ZEB2: variants seen among roughly 807,000 people sequenced by gnomAD.
ZEB2 encodes zinc finger E-box-binding homeobox 2.
Under a neutral mutation model 99.9 loss-of-function variants are expected in ZEB2, and 6 were observed. That is an observed-to-expected ratio of 0.06 (90% CI 0.03 to 0.12). ZEB2 has a LOEUF of 0.12. Ranked by LOEUF, ZEB2 falls within the 10% of genes least tolerant of loss-of-function variation. ZEB2 has a pLI of 1.00. For synonymous variants in ZEB2, 517 were observed against 542.5 expected, an observed-to-expected ratio of 0.95 and a Z score of 0.65; for missense variants, 969 against 1,502.8, an observed-to-expected ratio of 0.64 and a Z score of 5.87.
At chr2:144,487,507 G>C (rs973907515) in intron 2 of ZEB2, among the ~76,000 whole-genome samples, 1 of 152,204 alleles carries the variant, frequency 6.6e-6, no homozygotes, top group Admixed American at 6.5e-5. Context: ...GAAAGGTAAA[G>C]AAATTGATTT....
Position 144,387,628 on chromosome 2 carries a change from A to G in ZEB2, c.*1823T>C, listed in dbSNP as rs1314014596. 1.3e-5 allele frequency: 2 copies of G among 152,218 alleles called. No individual in the cohort carries two copies. Among genetic ancestry groups the G allele is most frequent in the African/African-American group, 4.8e-5 (2 of 41,458 alleles). 9.4% of individuals were successfully genotyped at this position (152,218 alleles called of 1,614,324 possible). A position where few individuals can be genotyped will look rare whatever the true frequency, so the allele number is the denominator to read the frequency against. On this transcript the variant is annotated 3_prime_UTR_variant, in exon 10 of 10. Coordinates refer to ENST00000627532, the MANE Select transcript of ZEB2 (RefSeq NM_014795.4). ...GGTTACATATTATAAATAACACTGA[A>G]TAATAGCTGTCTTTTTGAAATTAGA... is the stretch of plus-strand genomic sequence containing the variant.
chr2:144,496,746 T>C lies in ZEB2; in HGVS notation c.73+20532A>G, dbSNP rs1169987373. 3 of 152,192 alleles carry C rather than the reference T, an allele frequency of 2.0e-5. No homozygotes were observed. The East Asian group carries it at 5.8e-4, about 29-fold the overall frequency. 9.4% of individuals were successfully genotyped at this position (152,192 alleles called of 1,614,324 possible). ...TAGTACCCATTTCACAGCATTATTG[T>C]TGGGGCGAGATCAGATGACATAGGC... On this transcript the variant is annotated intron_variant, in intron 2 of 9. Coordinates refer to ENST00000627532, the MANE Select transcript of ZEB2 (RefSeq NM_014795.4).
chr2:144,449,491 A>G (rs753362771), intron 2 of ZEB2: 2 of 152,236 alleles, frequency 1.3e-5, no homozygotes, highest in Non-Finnish European at 2.9e-5. Context: ...GAACACCTAT[A>G]ACAAGTACAG....
In ZEB2 at chr2:144,386,657, C is replaced by T. The variant is rs1703087574; in HGVS notation, c.*2794G>A. 2 of 152,188 alleles carry T rather than the reference C, an allele frequency of 1.3e-5. No homozygotes were observed. Among genetic ancestry groups the T allele is most frequent in the Middle Eastern group, 3.4e-3 (1 of 294 alleles). The allele number at this position is 152,188 out of a possible 1,614,324, so 9.4% of individuals were successfully genotyped here. A position where few individuals can be genotyped will look rare whatever the true frequency, so the allele number is the denominator to read the frequency against. ...TCTTGTGGATTGGGACACAGATATG[C>T]CCCATGGGCAACAGAGACCTACATT... On this transcript the variant is annotated 3_prime_UTR_variant, in exon 10 of 10. Coordinates refer to ENST00000627532, the MANE Select transcript of ZEB2 (RefSeq NM_014795.4).
chr2:144,464,862 C>T (rs1023006902), intron 2 of ZEB2, among the ~76,000 whole-genome samples: 3 of 152,336 alleles, frequency 2.0e-5, no homozygotes, highest in African/African-American at 4.8e-5. Context: ...TCAAACATGA[C>T]ATCGAAGTGG....
chr2:144,464,106 A>G (rs1210226139), intron 2 of ZEB2: 3 of 152,134 alleles, frequency 2.0e-5, no homozygotes, highest in Admixed American at 6.6e-5. Context: ...ATCTGGTGGA[A>G]CACATTGTCC....
intron 4 of ZEB2, among the ~76,000 whole-genome samples, chr2:144,406,699 TTACTC>T (rs1703391634): frequency 6.6e-6 from 1 of 152,194 alleles, no homozygotes; most frequent in South Asian, 2.1e-4. Flanking sequence ...ATTTGGGTTT[TTACTC>T]TAAAAGAAGC....
rs529609218 is a variant in ZEB2, at chr2:144,484,465, T to A, written c.73+32813A>T. The stretch of plus-strand genomic sequence containing the variant: ...GTAGGACTCTTCTTGTTATACTGAG[T>A]CATGATCCCAGATCTTCACAGATCG... On this transcript the variant is annotated intron_variant, in intron 2 of 9. Coordinates refer to ENST00000627532, the MANE Select transcript of ZEB2 (RefSeq NM_014795.4). Among the ~76,000 whole-genome samples the A allele has an allele frequency of 2.6e-5, 4 of 152,014 alleles. No individual in the cohort carries two copies. In the South Asian group the frequency reaches 8.3e-4, roughly 32 times the overall value.
chr2:144,434,191 C>G (rs1703808310), intron 2 of ZEB2, among the ~76,000 whole-genome samples: 1 of 152,112 alleles, frequency 6.6e-6, no homozygotes, highest in Non-Finnish European at 1.5e-5. Flanking sequence ...ACATATGCAG[C>G]TTATAGACAG....
chr2:144,504,455 A>T (rs1315275715), intron 2 of ZEB2: 1 of 151,796 alleles, frequency 6.6e-6, no homozygotes, highest in Non-Finnish European at 1.5e-5. Context: ...TGCTGCTGTC[A>T]GTTTGCTGCC....
At position 144,440,501 on chromosome 2, in the gene ZEB2, ATATATATATATATATTTTTTTTTTTTT is replaced by A. The variant is rs1466486003; in HGVS notation, c.74-10502_74-10476del. Among the ~76,000 whole-genome samples the A allele has an allele frequency of 7.7e-3, 587 of 76,472 alleles. 21 individuals are homozygous for A. The East Asian group carries it at 0.085, about 11-fold the overall frequency. 50.2% of individuals were successfully genotyped at this position (76,472 alleles called of 152,430 possible). A position where few individuals can be genotyped will look rare whatever the true frequency, so the allele number is the denominator to read the frequency against. On this transcript the variant is annotated intron_variant, in intron 2 of 9. Transcript: ENST00000627532. ...CCAAAAGCAGTATATATATATATATATATATATATATATATTTTTTTTTTTTTTTTTTTTTTTTTTTAACTAGTGGTT... is the reference window on the plus strand; with the variant it reads ...CCAAAAGCAGTATATATATATATATATTTTTTTTTTTTTTAACTAGTGGTT...
At chr2:144,412,925 G>C (rs953233777) in intron 4 of ZEB2, among the ~76,000 whole-genome samples, 1 of 152,094 alleles carries the variant, frequency 6.6e-6, no homozygotes, top group Non-Finnish European at 1.5e-5. Flanking sequence ...ATAGTGCCTG[G>C]GTCACAGTTA....
chr2:144,459,534 G>C (rs1704164496), intron 2 of ZEB2, among the ~76,000 whole-genome samples: 4 of 152,106 alleles, frequency 2.6e-5, no homozygotes, highest in Admixed American at 2.6e-4. Context: ...TGTAAATTTA[G>C]AGCACAGCTT....
chr2:144,513,796 G>A, intron 2 of ZEB2: 1 of 1,536,150 alleles, frequency 6.5e-7, no homozygotes, highest in Non-Finnish European at 8.7e-7. Flanking sequence ...CTGACTCCAA[G>A]GCTGTGTGGA....
At chr2:144,443,980 T>C (rs1703951041) in intron 2 of ZEB2, among the ~76,000 whole-genome samples, 1 of 152,268 alleles carries the variant, frequency 6.6e-6, no homozygotes, top group Non-Finnish European at 1.5e-5. Context: ...GCTTGAGAGA[T>C]CATGGTGACA....
chr2:144,397,022 G>A (rs913821042), intron 8 of ZEB2, among the ~76,000 whole-genome samples: 9 of 152,104 alleles, frequency 5.9e-5, no homozygotes, highest in African/African-American at 2.2e-4. Context: ...GGTACAAAAT[G>A]TTATTATTAT....
At chr2:144,511,491 T>C (rs1356154093) in intron 2 of ZEB2, 2 of 1,279,846 alleles carry the variant, frequency 1.6e-6, no homozygotes, top group Admixed American at 4.7e-5. Flanking sequence ...ATTTGGCACA[T>C]AGCTATTAAG....
At chr2:144,415,004 C>CT (rs71404501) in intron 4 of ZEB2, among the ~76,000 whole-genome samples, 37,278 of 140,306 alleles carry the variant, frequency 0.27, 4,978 homozygotes, top group African/African-American at 0.36. Context: ...TACTTTTTTT[C>CT]TTTTTTTTTT....
At chr2:144,447,460 A>T (rs1241150175) in intron 2 of ZEB2, among the ~76,000 whole-genome samples, 1 of 152,126 alleles carries the variant, frequency 6.6e-6, no homozygotes, top group East Asian at 1.9e-4. Context: ...TATGCTCTTT[A>T]TTATTTATTA....
Sources: allele counts gnomAD v4.1 joint callset (sites outside exome capture counted in the v4.1 genomes callset), GRCh38; gene constraint gnomAD v4.1.1; transcripts MANE v1.5; gene names NCBI Gene and HGNC (gene_info 2026-07-23, HGNC 2026-07-21).